The following AMPH variants were observed in gnomAD, a reference collection of about 807,000 sequenced individuals.
The protein encoded by AMPH is amphiphysin, also known as amphiphysin (Stiff-Mann syndrome with breast cancer 128kD autoantigen).
AMPH carries 49 observed loss-of-function variants against 99.1 expected under a neutral mutation model. The observed-to-expected ratio is 0.49, with a 90% CI of 0.39 to 0.63. The LOEUF (loss-of-function observed/expected upper bound fraction) is 0.63. AMPH is among the 20% of genes least tolerant of loss of function. The pLI, the probability that AMPH is intolerant of heterozygous loss-of-function variation, is 0.00. For missense variants in AMPH, 759 were observed against 863.4 expected (o/e 0.88, Z 1.52); for synonymous variants, 314 against 317.3 (o/e 0.99, Z 0.11).
At chr7:38,592,054 T>C (rs970265589) in intron 1 of AMPH, among the ~76,000 whole-genome samples, 5 of 152,206 alleles carry the variant, frequency 3.3e-5, no homozygotes, top group African/African-American at 1.2e-4. Context: ...GTTTCTATTA[T>C]AGATTAACTA....
chr7:38,384,491 C>T lies in AMPH; in HGVS notation c.*327G>A, dbSNP rs1784297233. The T allele has an allele frequency of 4.2e-6, 1 of 239,648 alleles. No homozygotes were observed. Among genetic ancestry groups the T allele is most frequent in the East Asian group, 7.9e-5 (1 of 12,658 alleles). The allele number at this position is 239,648 out of a possible 1,614,324, so 14.8% of individuals were successfully genotyped here. A position where few individuals can be genotyped will look rare whatever the true frequency, so the allele number is the denominator to read the frequency against. On this transcript the variant is annotated 3_prime_UTR_variant, in exon 21 of 21. Coordinates refer to ENST00000356264, the MANE Select transcript of AMPH (RefSeq NM_001635.4). ...CAGGGCAGCCACTCAATACGATACA[C>T]CTGATGCAGAGAAATTAAAGTCTGA...
intron 7 of AMPH, among the ~76,000 whole-genome samples, chr7:38,473,306 A>C (rs938948908): frequency 1.3e-5 from 2 of 152,228 alleles, no homozygotes; most frequent in African/African-American, 4.8e-5. Flanking sequence ...ATAGCTGTTG[A>C]AGATGATGAT....
At chr7:38,563,134 GATGAATGAATGAATGA>G (rs10665097) in intron 1 of AMPH, among the ~76,000 whole-genome samples, 1 of 150,436 alleles carries the variant, frequency 6.6e-6, no homozygotes, top group African/African-American at 2.4e-5. Flanking sequence ...AGCACTGAAT[GATGAATGAATGAATGA>G]ATGAATGAAT....
intron 1 of AMPH, among the ~76,000 whole-genome samples, chr7:38,537,500 A>C (rs888868793): frequency 3.9e-5 from 6 of 152,236 alleles, no homozygotes; most frequent in Admixed American, 2.6e-4. Flanking sequence ...GACCAGAATC[A>C]GGATTCACAA....
chr7:38,559,280 G>A lies in AMPH; in HGVS notation c.70-24269C>T, dbSNP rs141279838. ...TATGGCAACAGCAAATAACAGAGCA[G>A]TCAAAGGACTGCCTCATTTACAGCT... On this transcript the variant is annotated intron_variant, in intron 1 of 20. Coordinates refer to ENST00000356264, the MANE Select transcript of AMPH (RefSeq NM_001635.4). Among the ~76,000 whole-genome samples the A allele has an allele frequency of 3.0e-3, 450 of 152,360 alleles. 2 individuals are homozygous for A. The highest frequency in any genetic ancestry group is 0.01 in the African/African-American group (422 of 41,580).
chr7:38,558,270 G>C (rs572781953), intron 1 of AMPH, among the ~76,000 whole-genome samples: 1 of 152,264 alleles, frequency 6.6e-6, no homozygotes, highest in African/African-American at 2.4e-5. Context: ...CACAGCTCAA[G>C]GGCAATGCAC....
chr7:38,533,850 T>G (rs1178011643), intron 2 of AMPH, among the ~76,000 whole-genome samples: 1 of 152,154 alleles, frequency 6.6e-6, no homozygotes, highest in Admixed American at 6.5e-5. Flanking sequence ...GATTTGAGGC[T>G]TCTAACCTCA....
intron 1 of AMPH, among the ~76,000 whole-genome samples, chr7:38,564,994 G>A (rs1459999155): frequency 5.3e-5 from 8 of 151,764 alleles, no homozygotes; most frequent in Middle Eastern, 3.2e-3. Context: ...CGTGGTGGCG[G>A]GTGCCTGTAG....
chr7:38,599,076 G>A (rs1208675780), intron 1 of AMPH, among the ~76,000 whole-genome samples: 2 of 152,046 alleles, frequency 1.3e-5, no homozygotes, highest in Non-Finnish European at 2.9e-5. Flanking sequence ...TTTGACTTAA[G>A]TTACTTAACA....
chr7:38,518,587 A>C (rs529434678), intron 2 of AMPH, among the ~76,000 whole-genome samples: 7 of 152,230 alleles, frequency 4.6e-5, no homozygotes, highest in Admixed American at 2.6e-4. Flanking sequence ...CTTCTTGTCT[A>C]TTTATCCCCT....
chr7:38,435,183 T>C (rs1010300087), intron 12 of AMPH, among the ~76,000 whole-genome samples: 1 of 152,212 alleles, frequency 6.6e-6, no homozygotes, highest in Non-Finnish European at 1.5e-5. Context: ...GGCTAGTGTT[T>C]AGACTATTAA....
At chr7:38,581,657 G>A (rs1050543897) in intron 1 of AMPH, among the ~76,000 whole-genome samples, 1 of 152,198 alleles carries the variant, frequency 6.6e-6, no homozygotes, top group African/African-American at 2.4e-5. Context: ...GCAAGGAAAG[G>A]ACAAGGGACG....
At chr7:38,542,936 A>G (rs1024100238) in intron 1 of AMPH, among the ~76,000 whole-genome samples, 2 of 152,012 alleles carry the variant, frequency 1.3e-5, no homozygotes, top group Admixed American at 6.5e-5. Flanking sequence ...TCTACTAAAA[A>G]TACAAAAATT....
chr7:38,511,889 T>C (rs1224315687), intron 2 of AMPH, among the ~76,000 whole-genome samples: 1 of 152,204 alleles, frequency 6.6e-6, no homozygotes, highest in Admixed American at 6.5e-5. Context: ...GAAGCCATTA[T>C]CTTTATTATA....
chr7:38,623,651 C>T (rs1453046574), intron 1 of AMPH, among the ~76,000 whole-genome samples: 1 of 152,094 alleles, frequency 6.6e-6, no homozygotes, highest in Non-Finnish European at 1.5e-5. Flanking sequence ...GTAAACGTGG[C>T]CATATAAACT....
At chr7:38,603,209 A>C (rs1053021304) in intron 1 of AMPH, among the ~76,000 whole-genome samples, 32 of 151,476 alleles carry the variant, frequency 2.1e-4, no homozygotes, top group Admixed American at 1.7e-3. Context: ...CCTACTACTC[A>C]GGAGGCTGAG....
At chr7:38,602,469 A>G (rs1420281887) in intron 1 of AMPH, among the ~76,000 whole-genome samples, 1 of 152,152 alleles carries the variant, frequency 6.6e-6, no homozygotes, top group African/African-American at 2.4e-5. Context: ...TGCCTTTTCT[A>G]GTTTCTGAAG....
At chr7:38,502,085 C>A (rs867444375) in intron 3 of AMPH, among the ~76,000 whole-genome samples, 1 of 152,110 alleles carries the variant, frequency 6.6e-6, no homozygotes, top group African/African-American at 2.4e-5. Context: ...ACCAACTGAC[C>A]TTCATTTAGT....
intron 1 of AMPH, among the ~76,000 whole-genome samples, chr7:38,598,651 T>C (rs1562853027): frequency 1.3e-5 from 2 of 152,222 alleles, no homozygotes; most frequent in African/African-American, 2.4e-5. Flanking sequence ...CAATTTATAA[T>C]TTATATTTTA....
Sources: gnomAD v4.1 joint callset for allele counts (sites outside exome capture counted in the v4.1 genomes callset) on GRCh38, gnomAD v4.1.1 for gene constraint, MANE v1.5 for transcripts, NCBI Gene and HGNC (gene_info 2026-07-23, HGNC 2026-07-21) for gene names.